ZNF263: variants seen among roughly 807,000 people sequenced by gnomAD.
ZNF263 encodes the protein zinc finger protein 263, also known as zinc finger protein FPM315.
A neutral mutation model predicts 63.1 loss-of-function variants in ZNF263; 49 were observed. The observed-to-expected ratio is 0.78, with a 90% CI of 0.62 to 0.99. ZNF263 has a LOEUF of 0.99. Ranked by LOEUF, ZNF263 falls within the 50% of genes least tolerant of loss-of-function variation. The pLI, the probability that ZNF263 is intolerant of heterozygous loss-of-function variation, is 0.00. For missense variants in ZNF263, 872 were observed against 854.8 expected (o/e 1.02, Z -0.25); for synonymous variants, 352 against 324.2 (o/e 1.09, Z -0.92).
In ZNF263 at chr16:3,284,108, T is replaced by A; in HGVS notation, c.290T>A (p.Ile97Asn). Reference protein sequence around the residue: ...EQFLTILPQEIQSRVQELHPE... With the variant: ...EQFLTILPQENQSRVQELHPE... ...TTCCTGACCATCCTGCCCCAGGAGA[T>A]CCAGAGCAGGGTGCAGGAGCTGCAT... Residue 97 changes from isoleucine (I) to asparagine (N), a missense_variant, in exon 1 of 6, where the codon ATC becomes AAC. Ile to Asn is a moderately radical substitution (Grantham distance 149). Transcript: ENST00000219069. The A allele has an allele frequency of 6.2e-7, 1 of 1,612,904 alleles. No homozygotes were observed. Among genetic ancestry groups the A allele is most frequent in the Non-Finnish European group, 8.5e-7 (1 of 1,179,308 alleles).
At chr16:3,286,213 C>A in intron 4 of ZNF263, 64 bp downstream of exon 4, 1 of 1,519,364 alleles carries the variant, frequency 6.6e-7, no homozygotes, top group Non-Finnish European at 8.8e-7. Context: ...GCCCGTTATT[C>A]ATTCACCTCC....
rs1416829553 is a variant in ZNF263, at chr16:3,283,616, G to C, written c.-203G>C. 1.4e-6 allele frequency: 1 copy of C among 699,986 alleles called. No homozygotes were observed. The highest frequency in any genetic ancestry group is 4.3e-5 in the Admixed American group (1 of 23,100). The allele number at this position is 699,986 out of a possible 1,614,324, so 43.4% of individuals were successfully genotyped here. A position where few individuals can be genotyped will look rare whatever the true frequency, so the allele number is the denominator to read the frequency against. ...GAAGTCCTGGCGCAGATGGGCCACG[G>C]GGCCGGCGTGGCGGCGCCTGGGACC... is the stretch of plus-strand genomic sequence containing the variant. On this transcript the variant is annotated 5_prime_UTR_variant, in exon 1 of 6. Coordinates refer to ENST00000219069, the MANE Select transcript of ZNF263 (RefSeq NM_005741.5).
intron 5 of ZNF263, among the ~76,000 whole-genome samples, chr16:3,289,103 C>T (rs577325759): frequency 3.3e-5 from 5 of 152,288 alleles, no homozygotes; most frequent in Non-Finnish European, 5.9e-5. Flanking sequence ...TTACTTGTCC[C>T]ACCCTACTCT....
rs79713839 is a variant in ZNF263 at position 3,289,480 on chromosome 16, G to C, written c.974G>C (p.Arg325Pro). 6.5e-7 allele frequency: 1 copy of C among 1,548,568 alleles called. No individual in the cohort carries two copies. The highest frequency in any genetic ancestry group is 2.3e-5 in the East Asian group (1 of 44,442). Residue 325 changes from arginine (R) to proline (P), a missense_variant, in exon 6 of 6, where the codon CGA (arginine) becomes CCA (proline). By Grantham distance (103) the Arg-to-Pro change is moderately radical. Coordinates refer to ENST00000219069, the MANE Select transcript of ZNF263 (RefSeq NM_005741.5). ...HPQVLLPDQA[R>P]GEVPWSPELG... is the part of the protein sequence containing the mutation. ...CAGGTGCTGCTTCCTGACCAGGCCC[G>C]AGGGGAGGTGCCCTGGAGTCCTGAG...
At chr16:3,298,729 G>T (rs1417992631) in intron 1 of ZNF263, 4 of 310,866 alleles carry the variant, frequency 1.3e-5, no homozygotes, top group Non-Finnish European at 1.7e-5. Flanking sequence ...TTCCACCTTA[G>T]ATAATCTGGG....
intron 2 of ZNF263, chr16:3,300,737 T>C: frequency 6.9e-7 from 1 of 1,446,520 alleles, no homozygotes. Context: ...GGCATGGGCA[T>C]TGTATTGGAG....
chr16:3,283,892 G>T lies in ZNF263; in HGVS notation c.74G>T (p.Ser25Ile). 6.2e-7 allele frequency: 1 copy of T among 1,611,028 alleles called. No homozygotes were observed. Among genetic ancestry groups the T allele is most frequent in the South Asian group, 1.1e-5 (1 of 90,946 alleles). The change falls in exon 1 of 6, where the codon AGC becomes ATC. Residue 25 changes from serine (S) to isoleucine (I), a missense_variant. Coordinates refer to ENST00000219069, the MANE Select transcript of ZNF263 (RefSeq NM_005741.5). ...IVKLEEDCAW[S>I]QELPPPDPGP... ...AAGCTGGAGGAGGACTGCGCCTGGA[G>T]CCAGGAGCTGCCCCCACCTGACCCA... is the stretch of plus-strand genomic sequence containing the variant.
intron 1 of ZNF263, among the ~76,000 whole-genome samples, chr16:3,297,052 C>T (rs1330521126): frequency 2.6e-5 from 4 of 152,074 alleles, no homozygotes; most frequent in Non-Finnish European, 4.4e-5. Flanking sequence ...CACCCGTAAT[C>T]GCAGCACTTT....
At chr16:3,299,619 T>G (rs770524188) in intron 2 of ZNF263, 1 of 1,564,548 alleles carries the variant, frequency 6.4e-7, no homozygotes, top group Admixed American at 2.1e-5. Flanking sequence ...AGATCACACC[T>G]TGATTCATTG....
rs550373433 is a variant in ZNF263, at chr16:3,291,408, C to T, written c.*850C>T. 1.0e-6 allele frequency: 1 copy of T among 985,298 alleles called. No homozygotes were observed. The highest frequency in any genetic ancestry group is 1.7e-5 in the African/African-American group (1 of 57,220). 61.0% of individuals were successfully genotyped at this position (985,298 alleles called of 1,614,324 possible). A position where few individuals can be genotyped will look rare whatever the true frequency, so the allele number is the denominator to read the frequency against. ...CCTAGGGGGAAATTGGGGATTGTGT[C>T]TTTCCCTGTTGAAAATGTTTGGATG... On this transcript the variant is annotated 3_prime_UTR_variant, in exon 6 of 6. Coordinates refer to ENST00000219069, the MANE Select transcript of ZNF263 (RefSeq NM_005741.5).
rs904737571 is a variant in ZNF263 at position 3,283,613 on chromosome 16, A to G, written c.-206A>G. 3 of 680,906 alleles carry G rather than the reference A, an allele frequency of 4.4e-6. No homozygotes were observed. The highest frequency in any genetic ancestry group is 4.1e-6 in the Non-Finnish European group (2 of 485,000). The allele number at this position is 680,906 out of a possible 1,614,324, so 42.2% of individuals were successfully genotyped here. A position where few individuals can be genotyped will look rare whatever the true frequency, so the allele number is the denominator to read the frequency against. ...GGGGAAGTCCTGGCGCAGATGGGCC[A>G]CGGGGCCGGCGTGGCGGCGCCTGGG... On this transcript the variant is annotated 5_prime_UTR_variant, in exon 1 of 6. Coordinates refer to ENST00000219069, the MANE Select transcript of ZNF263 (RefSeq NM_005741.5).
intron 2 of ZNF263, chr16:3,299,275 T>A (rs761332268): frequency 6.2e-7 from 1 of 1,611,104 alleles, no homozygotes; most frequent in Non-Finnish European, 8.5e-7. Context: ...GAGACAACCC[T>A]TTTCTTCATC....
Position 3,286,132 on chromosome 16 carries a change from A to G in ZNF263, c.752A>G (p.Glu251Gly). Residue 251 changes from glutamate to glycine, a missense_variant, in exon 4 of 6, where the codon GAG becomes GGG. Transcript: ENST00000219069. Reference protein sequence around the residue: ...LSRDTVQESYENVDSLESHIP... With the variant: ...LSRDTVQESYGNVDSLESHIP... Reference sequence around the variant, plus strand: ...AGGGACACGGTGCAGGAGAGTTATGAGAATGTGGACTCACTGGGTAAGGAC... The same window carrying G: ...AGGGACACGGTGCAGGAGAGTTATGGGAATGTGGACTCACTGGGTAAGGAC... The G allele has an allele frequency of 6.2e-7, 1 of 1,601,210 alleles. No homozygotes were observed. The highest frequency in any genetic ancestry group is 1.1e-5 in the South Asian group (1 of 88,902).
At chr16:3,295,390 C>T (rs1310259733), downstream of ZNF263, among the ~76,000 whole-genome samples, 3 of 152,248 alleles carry the variant, frequency 2.0e-5, no homozygotes, top group East Asian at 1.9e-4. Flanking sequence ...CACCGCCCCT[C>T]CCCTCCCTTC....
intron 2 of ZNF263, chr16:3,300,807 T>G (rs567191008): frequency 2.1e-6 from 2 of 956,456 alleles, no homozygotes; most frequent in Non-Finnish European, 2.9e-6. Flanking sequence ...GGAGGTCTTA[T>G]GCACTCAGAA....
At chr16:3,294,835 G>A (rs1394653678), downstream of ZNF263, among the ~76,000 whole-genome samples, 2 of 152,180 alleles carry the variant, frequency 1.3e-5, no homozygotes, top group African/African-American at 4.8e-5. Context: ...CGTGCTCCAA[G>A]GAGAGTAGTA....
At chr16:3,300,764 G>A (rs1959918076) in intron 2 of ZNF263, 1 of 1,337,454 alleles carries the variant, frequency 7.5e-7, no homozygotes, top group Admixed American at 3.1e-5. Flanking sequence ...GGACTGAAGG[G>A]GCTAACCATG....
chr16:3,285,810 G>T (rs1008189591), intron 3 of ZNF263, 56 bp downstream of exon 3: 4 of 1,596,642 alleles, frequency 2.5e-6, no homozygotes, highest in Non-Finnish European at 3.4e-6. Flanking sequence ...CTGAGTGTTG[G>T]GGGTGGGGGT....
chr16:3,300,239 G>C (rs1488927782), intron 2 of ZNF263: 2 of 1,614,170 alleles, frequency 1.2e-6, no homozygotes, highest in East Asian at 4.5e-5. Flanking sequence ...AATCTAAAAA[G>C]CCAACCAGTG....
Sources: allele counts gnomAD v4.1 joint callset (sites outside exome capture counted in the v4.1 genomes callset), GRCh38; gene constraint gnomAD v4.1.1; transcripts MANE v1.5; gene names NCBI Gene and HGNC (gene_info 2026-07-23, HGNC 2026-07-21).